Variants in EXOC5 observed in about 807,000 individuals in gnomAD.
The protein encoded by EXOC5 is exocyst complex component 5, also known as SEC10-like 1.
Under a neutral mutation model 90.8 loss-of-function variants are expected in EXOC5, and 17 were observed. The ratio of observed to expected loss-of-function variants is 0.19; its 90% CI spans 0.13 to 0.28. The LOEUF is 0.28. Among genes scored for constraint, EXOC5 ranks in the 10% least tolerant of loss-of-function variants. The probability of loss-of-function intolerance (pLI) is 1.00; values close to 1 mark genes in which losing one functional copy is unlikely to be tolerated. For synonymous variants in EXOC5, 260 were observed against 270.0 expected (o/e 0.96, Z 0.36); for missense variants, 569 against 830.6 (o/e 0.69, Z 3.87).
intron 15 of EXOC5, among the ~76,000 whole-genome samples, chr14:57,213,136 C>A (rs1418427690): frequency 6.6e-6 from 1 of 152,020 alleles, no homozygotes; most frequent in Non-Finnish European, 1.5e-5. Flanking sequence ...GTAATCCCAG[C>A]ACTTTGTGAG....
intron 1 of EXOC5, among the ~76,000 whole-genome samples, chr14:57,253,682 T>C (rs905755626): frequency 3.3e-5 from 5 of 152,214 alleles, no homozygotes; most frequent in Middle Eastern, 3.4e-3. Flanking sequence ...GTGAACAGAA[T>C]AGAAAGCCTA....
intron 1 of EXOC5, among the ~76,000 whole-genome samples, chr14:57,265,016 A>G (rs1487657648): frequency 1.3e-5 from 2 of 152,192 alleles, no homozygotes; most frequent in Admixed American, 1.3e-4. Flanking sequence ...AAACAGTCTC[A>G]TGGTGAAAAA....
intron 4 of EXOC5, among the ~76,000 whole-genome samples, chr14:57,243,014 T>C (rs999062155): frequency 1.3e-5 from 2 of 152,178 alleles, no homozygotes; most frequent in Non-Finnish European, 2.9e-5. Context: ...CCAAATACCA[T>C]ATGCTCTCAT....
chr14:57,266,693 G>C lies in EXOC5; in HGVS notation c.27+1929C>G, dbSNP rs149798450. 4.5e-4 allele frequency among the ~76,000 whole-genome samples: 65 copies of C among 144,492 alleles called. 1 individual carries two copies. The East Asian group carries it at 0.012, about 28-fold the overall frequency. The allele number at this position is 144,492 out of a possible 152,430, so 94.8% of individuals were successfully genotyped here. On this transcript the variant is annotated intron_variant, in intron 1 of 17. Transcript: ENST00000621441. ...ACTAAATTACATTATATATATGTATGTTATATATACGTTATATATATATAT... is the reference window on the plus strand; with the variant it reads ...ACTAAATTACATTATATATATGTATCTTATATATACGTTATATATATATAT...
At chr14:57,246,956 C>T (rs1033331759) in intron 2 of EXOC5, 98 bp from the exon 3 acceptor site, 1 of 663,858 alleles carries the variant, frequency 1.5e-6, no homozygotes, top group African/African-American at 1.9e-5. Context: ...AAGAAGAGTT[C>T]CTTGAGCTTG....
chr14:57,208,537 A>G lies in EXOC5; in HGVS notation c.*72T>C. ...AAGGTATCTCCTGTGCTTTCTATCA[A>G]CCGAGGGCTGCTGAAGTATAAGACA... On this transcript the variant is annotated 3_prime_UTR_variant, in exon 18 of 18. Coordinates refer to ENST00000621441, the MANE Select transcript of EXOC5 (RefSeq NM_006544.4). 3 of 1,147,058 alleles carry G rather than the reference A, an allele frequency of 2.6e-6. No homozygotes were observed. Among genetic ancestry groups the G allele is most frequent in the Non-Finnish European group, 3.8e-6 (3 of 785,672 alleles). 71.1% of individuals were successfully genotyped at this position (1,147,058 alleles called of 1,614,324 possible). A position where few individuals can be genotyped will look rare whatever the true frequency, so the allele number is the denominator to read the frequency against.
At chr14:57,265,668 C>T (rs1445161638) in intron 1 of EXOC5, among the ~76,000 whole-genome samples, 1 of 152,150 alleles carries the variant, frequency 6.6e-6, no homozygotes, top group Non-Finnish European at 1.5e-5. Context: ...GAGGCTGCAG[C>T]GAGCAGTGAT....
chr14:57,229,494 T>TATTTACAGAG (rs1768465937), intron 12 of EXOC5, among the ~76,000 whole-genome samples: 1 of 152,140 alleles, frequency 6.6e-6, no homozygotes, highest in South Asian at 2.1e-4. Flanking sequence ...AAGTTACAAC[T>TATTTACAGAG]ATTTACAGAG....
intron 16 of EXOC5, 56 bp downstream of exon 16, chr14:57,209,897 G>C (rs2139606214): frequency 1.7e-6 from 2 of 1,182,084 alleles, no homozygotes; most frequent in East Asian, 5.0e-5. Flanking sequence ...GGGCACAGTA[G>C]GATACACCAA....
intron 1 of EXOC5, 145 bp from the exon 2 acceptor site, chr14:57,247,857 GA>G: frequency 2.3e-6 from 1 of 435,332 alleles, no homozygotes; most frequent in Non-Finnish European, 4.1e-6. Context: ...AAAATGTACA[GA>G]TTTTTTCAAT....
At chr14:57,246,906 C>T in intron 2 of EXOC5, 48 bp from the exon 3 acceptor site, 1 of 1,113,540 alleles carries the variant, frequency 9.0e-7, no homozygotes, top group Non-Finnish European at 1.3e-6. Flanking sequence ...ATTATTAATC[C>T]TTAGGAACTG....
At chr14:57,232,797 C>A (rs1259500160) in intron 9 of EXOC5, 48 bp from the exon 10 acceptor site, 1 of 857,146 alleles carries the variant, frequency 1.2e-6, no homozygotes, top group Non-Finnish European at 1.9e-6. Flanking sequence ...ATATTAAATT[C>A]TACAACTTCT....
chr14:57,266,717 A>G (rs372853054), intron 1 of EXOC5, among the ~76,000 whole-genome samples: 4 of 108,784 alleles, frequency 3.7e-5, no homozygotes, highest in Non-Finnish European at 5.3e-5. Flanking sequence ...ATATATATAT[A>G]TGTGTATGTG....
chr14:57,238,365 TATATATATATACACAC>T (rs914600592), intron 5 of EXOC5, among the ~76,000 whole-genome samples: 13 of 92,384 alleles, frequency 1.4e-4, no homozygotes, highest in Admixed American at 5.2e-4. Flanking sequence ...TATATATATA[TATATATATATACACAC>T]ACACACACAC....
At chr14:57,252,520 C>T (rs142300753) in intron 1 of EXOC5, among the ~76,000 whole-genome samples, 17 of 152,096 alleles carry the variant, frequency 1.1e-4, no homozygotes, top group African/African-American at 3.9e-4. Flanking sequence ...AAATGGCCAA[C>T]AAGTATACGA....
At position 57,241,848 on chromosome 14, in the gene EXOC5, AAC is replaced by A. The variant is rs533916940; in HGVS notation, c.466-2191_466-2190del. Among the ~76,000 whole-genome samples, 296 of 152,202 alleles carry A rather than the reference AAC, an allele frequency of 1.9e-3. 1 individual carries two copies. The highest frequency in any genetic ancestry group is 6.8e-3 in the African/African-American group (284 of 41,544). On this transcript the variant is annotated intron_variant, in intron 4 of 17. Coordinates refer to ENST00000621441, the MANE Select transcript of EXOC5 (RefSeq NM_006544.4). ...GCTGCCATTCTAGGTAAAAAAGAAA[AAC>A]AGACCAGGTGCGGTGGCTCATGCCT...
chr14:57,254,876 C>T (rs899316959), intron 1 of EXOC5, among the ~76,000 whole-genome samples: 7 of 152,194 alleles, frequency 4.6e-5, no homozygotes, highest in Non-Finnish European at 1.0e-4. Flanking sequence ...GCACTTTGAT[C>T]TTGGACTTCT....
At chr14:57,248,704 A>G (rs1257306644) in intron 1 of EXOC5, among the ~76,000 whole-genome samples, 1 of 152,120 alleles carries the variant, frequency 6.6e-6, no homozygotes, top group African/African-American at 2.4e-5. Context: ...CATGTAACTT[A>G]AACTAGTTGG....
At chr14:57,230,359 T>C (rs574247613) in intron 11 of EXOC5, among the ~76,000 whole-genome samples, 4 of 152,226 alleles carry the variant, frequency 2.6e-5, no homozygotes, top group East Asian at 1.9e-4. Context: ...GAAACACTTA[T>C]ATGGGGTATC....
Sources: allele counts gnomAD v4.1 joint callset (sites outside exome capture counted in the v4.1 genomes callset), GRCh38; gene constraint gnomAD v4.1.1; transcripts MANE v1.5; gene names NCBI Gene and HGNC (gene_info 2026-07-23, HGNC 2026-07-21).